The following ADH1B variants were observed in gnomAD, a reference collection of about 807,000 sequenced individuals.
ADH1B encodes all-trans-retinol dehydrogenase [NAD(+)] ADH1B.
In ADH1B, 29 loss-of-function variants were observed where a neutral mutation model predicts 34.6. That is an observed-to-expected ratio of 0.84 (90% confidence interval 0.62 to 1.14). The LOEUF is 1.14. Among genes scored for constraint, ADH1B ranks in the 50% most tolerant of loss-of-function variants. The pLI, the probability that ADH1B is intolerant of heterozygous loss-of-function variation, is 0.00. For missense variants in ADH1B, 424 were observed against 468.4 expected, an observed-to-expected ratio of 0.91 and a Z score of 0.87; for synonymous variants, 170 against 175.5, an observed-to-expected ratio of 0.97 and a Z score of 0.25.
chr4:99,318,014 C>T, intron 3 of ADH1B, 32 bp downstream of exon 3: 1 of 1,610,616 alleles, frequency 6.2e-7, no homozygotes, highest in Non-Finnish European at 8.5e-7. Flanking sequence ...GGATGGTGAA[C>T]CACACGTGTT....
At chr4:99,311,433 TA>T in intron 7 of ADH1B, 87 bp downstream of exon 7, 1 of 1,428,122 alleles carries the variant, frequency 7.0e-7, no homozygotes, top group Non-Finnish European at 9.5e-7. Flanking sequence ...TTGTCAATTG[TA>T]AAAGGGCATA....
At position 99,305,666 on chromosome 4, in the gene ADH1B, G is replaced by T. The variant is rs1345467710; in HGVS notation, c.*2174C>A. The T allele has an allele frequency of 6.9e-6, 1 of 145,194 alleles. No homozygotes were observed. The highest frequency in any genetic ancestry group is 2.6e-5 in the African/African-American group (1 of 38,712). 9.0% of individuals were successfully genotyped at this position (145,194 alleles called of 1,614,324 possible). ...ATAGTAAATTTTCTTTTTTCATAGT[G>T]CATGATGCAGAAGGCTCCCACATGC... On this transcript the variant is annotated 3_prime_UTR_variant, in exon 9 of 9. Transcript: ENST00000305046.
chr4:99,305,836 T>C lies in ADH1B; in HGVS notation c.*2004A>G, dbSNP rs2110625662. 6.6e-6 allele frequency: 1 copy of C among 151,816 alleles called. No homozygotes were observed. Among genetic ancestry groups the C allele is most frequent in the African/African-American group, 2.4e-5 (1 of 41,358 alleles). 9.4% of individuals were successfully genotyped at this position (151,816 alleles called of 1,614,324 possible). ...CTTCTGTGTCACTAGCAGGATTTGA[T>C]GACCCTGCTGTGAGATGGGCATGTA... On this transcript the variant is annotated 3_prime_UTR_variant, in exon 9 of 9. Transcript: ENST00000305046.
chr4:99,313,544 CT>C, intron 6 of ADH1B: 1 of 424,070 alleles, frequency 2.4e-6, no homozygotes. Flanking sequence ...TATTTTTTAA[CT>C]AAAAATTAAT....
In ADH1B at chr4:99,313,943, A is replaced by C. The variant is rs1733814792; in HGVS notation, c.706T>G (p.Leu236Val). ...GGGTTGATGCATTCAGTGGCACCCA[A>C]CTCTTTGGCCTTTGCAAATTTGTCC... ...NKDKFAKAKELGATECINPQD... is the reference protein window; with the variant it reads ...NKDKFAKAKEVGATECINPQD... The change falls in exon 6 of 9, where the codon TTG (leucine) becomes GTG (valine). Residue 236 changes from leucine (L) to valine (V), a missense_variant. This residue lies in a region of ADH1B where 291 missense variants were observed against 300.4 expected (regional missense o/e 0.97). Transcript: ENST00000305046. The C allele has an allele frequency of 1.2e-6, 2 of 1,613,690 alleles. No individual in the cohort carries two copies. Among genetic ancestry groups the C allele is most frequent in the Admixed American group, 3.3e-5 (2 of 59,966 alleles).
intron 5 of ADH1B, 50 bp from the exon 6 acceptor site, chr4:99,314,131 G>A (rs766381253): frequency 6.3e-7 from 1 of 1,599,520 alleles, no homozygotes; most frequent in East Asian, 2.2e-5. Context: ...TTGTTAGAAA[G>A]TGCCTAAGCT....
rs918178900 is a variant in ADH1B at position 99,307,732 on chromosome 4, G to C, written c.*108C>G. On this transcript the variant is annotated 3_prime_UTR_variant, in exon 9 of 9. Transcript: ENST00000305046. The stretch of plus-strand genomic sequence containing the variant: ...GGAAAGCCCCCATGTGTAATTTATT[G>C]ATAACATCTCTGAAGAGCTGAATTA... 2.0e-5 allele frequency: 26 copies of C among 1,321,204 alleles called. No individual in the cohort carries two copies. The highest frequency in any genetic ancestry group is 2.4e-5 in the Non-Finnish European group (22 of 935,996). The allele number at this position is 1,321,204 out of a possible 1,614,324, so 81.8% of individuals were successfully genotyped here. A position where few individuals can be genotyped will look rare whatever the true frequency, so the allele number is the denominator to read the frequency against.
rs1232274867 is a variant in ADH1B at position 99,306,069 on chromosome 4, G to A, written c.*1771C>T. 6.6e-6 allele frequency: 1 copy of A among 152,206 alleles called. No individual in the cohort carries two copies. The highest frequency in any genetic ancestry group is 1.9e-4 in the East Asian group (1 of 5,188). 9.4% of individuals were successfully genotyped at this position (152,206 alleles called of 1,614,324 possible). On this transcript the variant is annotated 3_prime_UTR_variant, in exon 9 of 9. Transcript: ENST00000305046. ...CGCCTAGGCTGCTGTGCAGTGGCAAGATTTCTGCTCACTGCAACCTCCGCC... is the reference window on the plus strand; with the variant it reads ...CGCCTAGGCTGCTGTGCAGTGGCAAAATTTCTGCTCACTGCAACCTCCGCC...
In ADH1B at chr4:99,305,561, G is replaced by GTATA. The variant is rs56951572; in HGVS notation, c.*2275_*2278dup. On this transcript the variant is annotated 3_prime_UTR_variant, in exon 9 of 9. Coordinates refer to ENST00000305046, the MANE Select transcript of ADH1B (RefSeq NM_000668.6). ...CTATATGAACCACTTGCCCCATAGT[G>GTATA]TATATATATATATATATATATATAT... 4.1e-5 allele frequency: 2 copies of GTATA among 49,372 alleles called. No individual in the cohort carries two copies. Among genetic ancestry groups the GTATA allele is most frequent in the Non-Finnish European group, 7.5e-5 (2 of 26,698 alleles). 3.1% of individuals were successfully genotyped at this position (49,372 alleles called of 1,614,324 possible). A position where few individuals can be genotyped will look rare whatever the true frequency, so the allele number is the denominator to read the frequency against.
At position 99,305,732 on chromosome 4, in the gene ADH1B, C is replaced by T. The variant is rs867656226; in HGVS notation, c.*2108G>A. On this transcript the variant is annotated 3_prime_UTR_variant, in exon 9 of 9. Coordinates refer to ENST00000305046, the MANE Select transcript of ADH1B (RefSeq NM_000668.6). The stretch of plus-strand genomic sequence containing the variant: ...GAGGACTTGCCACTCTATGACAACA[C>T]TGGCAGAGCCCACCTAATGGCTCCC... 6.6e-6 allele frequency: 1 copy of T among 151,688 alleles called. No homozygotes were observed. The highest frequency in any genetic ancestry group is 1.9e-4 in the East Asian group (1 of 5,150). 9.4% of individuals were successfully genotyped at this position (151,688 alleles called of 1,614,324 possible). A position where few individuals can be genotyped will look rare whatever the true frequency, so the allele number is the denominator to read the frequency against.
chr4:99,314,020 A>C lies in ADH1B; in HGVS notation c.629T>G (p.Met210Arg), dbSNP rs754717581. ...GGCTGCTCCAGCTGCTTTACAGCCC[A>C]TAACAGCAGATAGGCCGACCCCTCC... ...GLGGVGLSAV[M>R]GCKAAGAARI... Residue 210 changes from methionine to arginine, a missense_variant, in exon 6 of 9, where the codon ATG becomes AGG. Around this residue, in one of 3 missense-constraint regions of ADH1B, gnomAD observed 291 missense variants for 300.4 expected, o/e 0.97. Transcript: ENST00000305046. 4 of 1,614,228 alleles carry C rather than the reference A, an allele frequency of 2.5e-6. No homozygotes were observed. The Admixed American group carries it at 6.7e-5, about 27-fold the overall frequency.
At chr4:99,319,336 A>G (rs1192636897) in intron 1 of ADH1B, 1 of 196,240 alleles carries the variant, frequency 5.1e-6, no homozygotes, top group East Asian at 1.4e-4. Flanking sequence ...ATCTGACTCT[A>G]TAAGAGCAAT....
chr4:99,320,803 C>T, intron 1 of ADH1B: 1 of 1,192,604 alleles, frequency 8.4e-7, no homozygotes, highest in Non-Finnish European at 1.1e-6. Flanking sequence ...CTTGATGATT[C>T]TAATGCTGTG....
At chr4:99,314,245 C>A in intron 5 of ADH1B, 164 bp from the exon 6 acceptor site, 1 of 1,183,908 alleles carries the variant, frequency 8.4e-7, no homozygotes, top group South Asian at 1.6e-5. Flanking sequence ...TTTTTAAATT[C>A]AAGGGGATGA....
chr4:99,315,035 T>C (rs1362048086), intron 5 of ADH1B: 1 of 152,240 alleles, frequency 6.6e-6, no homozygotes, highest in African/African-American at 2.4e-5. Flanking sequence ...CACCATTTTC[T>C]ACCTTACTTA....
At position 99,309,255 on chromosome 4, in the gene ADH1B, G is replaced by A. The variant is rs141680808; in HGVS notation, c.1104-1391C>T. Among the ~76,000 whole-genome samples, 1,136 of 152,052 alleles carry A rather than the reference G, an allele frequency of 7.5e-3. 14 individuals carry two copies. The highest frequency in any genetic ancestry group is 0.026 in the African/African-American group (1,080 of 41,486). On this transcript the variant is annotated intron_variant, in intron 8 of 8. Transcript: ENST00000305046. ...AGATTTCTAGAAATGGAATTGCTGGGGCAAAGGATTCAGTTATTTTTTAAA... is the reference window on the plus strand; with the variant it reads ...AGATTTCTAGAAATGGAATTGCTGGAGCAAAGGATTCAGTTATTTTTTAAA...
At chr4:99,313,606 C>G (rs1733804082) in intron 6 of ADH1B, 1 of 803,484 alleles carries the variant, frequency 1.2e-6, no homozygotes, top group Non-Finnish European at 1.9e-6. Context: ...TTTTCTTTTC[C>G]TCTAGAGGAA....
chr4:99,318,628 AATTT>A, intron 2 of ADH1B, 153 bp downstream of exon 2: 1 of 739,782 alleles, frequency 1.4e-6, no homozygotes, highest in Non-Finnish European at 2.1e-6. Flanking sequence ...AAAAATTTAA[AATTT>A]ATATTTATAC....
chr4:99,319,128 C>T (rs1560530272), intron 1 of ADH1B: 4 of 570,408 alleles, frequency 7.0e-6, no homozygotes, highest in Non-Finnish European at 1.3e-5. Flanking sequence ...TTTATTTAGG[C>T]CATTCTTATG....
Sources: allele counts gnomAD v4.1 joint callset (sites outside exome capture counted in the v4.1 genomes callset), GRCh38; gene constraint gnomAD v4.1.1; regional missense constraint gnomAD v4.1.1; transcripts MANE v1.5; gene names NCBI Gene and HGNC (gene_info 2026-07-23, HGNC 2026-07-21).